The following EHMT1 variants were observed in gnomAD, a reference collection of about 807,000 sequenced individuals.
EHMT1 encodes histone-lysine N-methyltransferase EHMT1.
EHMT1 carries 15 observed loss-of-function variants against 147.2 expected under a neutral mutation model. That is an observed-to-expected ratio of 0.10 (90% CI 0.07 to 0.16). The LOEUF (loss-of-function observed/expected upper bound fraction) is 0.16, where lower values mean the gene tolerates loss of function less well. Ranked by LOEUF, EHMT1 falls within the 10% of genes least tolerant of loss-of-function variation. The probability of loss-of-function intolerance (pLI) is 1.00; values close to 1 mark genes in which losing one functional copy is unlikely to be tolerated. For synonymous variants in EHMT1, 795 were observed against 709.6 expected (o/e 1.12, Z -1.91); for missense variants, 1,587 against 1,772.4 (o/e 0.90, Z 1.88).
At chr9:137,741,326 C>T (rs1233238739) in intron 4 of EHMT1, among the ~76,000 whole-genome samples, 2 of 151,200 alleles carry the variant, frequency 1.3e-5, no homozygotes, top group East Asian at 3.9e-4. Flanking sequence ...CCTTTGTCCT[C>T]ACTCAGCCAT....
intron 7 of EHMT1, among the ~76,000 whole-genome samples, chr9:137,753,757 T>G (rs1949163588): frequency 6.6e-6 from 1 of 152,206 alleles, no homozygotes; most frequent in African/African-American, 2.4e-5. Flanking sequence ...CTGTCCTTGT[T>G]CTCTGTGTAG....
At chr9:137,730,596 G>A (rs1221006514) in intron 4 of EHMT1, among the ~76,000 whole-genome samples, 1 of 152,222 alleles carries the variant, frequency 6.6e-6, no homozygotes, top group Non-Finnish European at 1.5e-5. Context: ...CAGCCTGTCT[G>A]TCTGTTTTTA....
In EHMT1 at chr9:137,834,199, G is replaced by A. The variant is rs534461807; in HGVS notation, c.3541-150G>A. The A allele has an allele frequency of 2.5e-4, 261 of 1,027,886 alleles. No homozygotes were observed. The African/African-American group carries it at 3.7e-3, about 15-fold the overall frequency. 63.7% of individuals were successfully genotyped at this position (1,027,886 alleles called of 1,614,324 possible). A position where few individuals can be genotyped will look rare whatever the true frequency, so the allele number is the denominator to read the frequency against. On this transcript the variant is annotated intron_variant, in intron 25 of 26. Transcript: ENST00000460843. ...AGAAGGCTGGCGGAGGCTCCGCACC[G>A]CCGCCACAGGTCACTGGAGAAGGCC...
chr9:137,776,825 G>T lies in EHMT1; in HGVS notation c.1999G>T (p.Ala667Ser). 6.2e-7 allele frequency: 1 copy of T among 1,613,914 alleles called. No individual in the cohort carries two copies. Among genetic ancestry groups the T allele is most frequent in the Non-Finnish European group, 8.5e-7 (1 of 1,179,992 alleles). Residue 667 changes from alanine (A) to serine (S), a missense_variant, in exon 12 of 27, where the codon GCC becomes TCC. Physicochemically the swap from Ala to Ser is moderately conservative, Grantham distance 99. Transcript: ENST00000460843. This position sits in a 1 kb window ranked among gnomAD's most constrained non-coding sequence, Gnocchi z 4.4. ...QEKGSALEGR[A>S]DTTTGSAAGP... The stretch of plus-strand genomic sequence containing the variant: ...GAAGGGCTCGGCCCTGGAGGGCAGG[G>T]CCGACACCACAACGGGCAGGTACCT...
intron 1 of EHMT1, among the ~76,000 whole-genome samples, chr9:137,622,938 C>T (rs141897931): frequency 0.033 from 4,874 of 149,758 alleles, 271 homozygotes; most frequent in African/African-American, 0.11. Context: ...CAGCCAGGCG[C>T]GGTGTCTCAC....
intron 1 of EHMT1, among the ~76,000 whole-genome samples, chr9:137,633,751 C>T (rs1843778727): frequency 6.6e-6 from 1 of 152,040 alleles, no homozygotes; most frequent in African/African-American, 2.4e-5. Flanking sequence ...TCCTCCCTCC[C>T]CGACCCCCGA....
At chr9:137,644,777 T>A (rs902730235) in intron 1 of EHMT1, among the ~76,000 whole-genome samples, 11 of 152,230 alleles carry the variant, frequency 7.2e-5, no homozygotes, top group Non-Finnish European at 8.8e-5. Flanking sequence ...TGTCTTTTGA[T>A]GTAACATTTA....
Position 137,731,617 on chromosome 9 carries a change from A to G in EHMT1, c.823+3088A>G, listed in dbSNP as rs1275846965. Among the ~76,000 whole-genome samples, 1 of 152,094 alleles carries G rather than the reference A, an allele frequency of 6.6e-6. No individual in the cohort carries two copies. The highest frequency in any genetic ancestry group is 1.5e-5 in the Non-Finnish European group (1 of 68,018). Reference sequence around the variant, plus strand: ...TATCCTGTTGTCACAGGATCCCTTGAGTGTCCCTTTGCTGGTCATAAACCT... The same window carrying G: ...TATCCTGTTGTCACAGGATCCCTTGGGTGTCCCTTTGCTGGTCATAAACCT... On this transcript the variant is annotated intron_variant, in intron 4 of 26. Coordinates refer to ENST00000460843, the MANE Select transcript of EHMT1 (RefSeq NM_024757.5). The surrounding 1 kb of genome is among the most constrained non-coding windows in gnomAD (Gnocchi z 4.3).
chr9:137,640,178 G>A (rs531858053), intron 1 of EHMT1, among the ~76,000 whole-genome samples: 2 of 152,222 alleles, frequency 1.3e-5, no homozygotes, highest in East Asian at 1.9e-4. Flanking sequence ...CAGGTGATCC[G>A]CCTGCCTCGG....
intron 1 of EHMT1, among the ~76,000 whole-genome samples, chr9:137,678,703 T>C (rs903226775): frequency 6.8e-6 from 1 of 147,930 alleles, no homozygotes; most frequent in Non-Finnish European, 1.5e-5. Flanking sequence ...AAAAGTTATA[T>C]GAATGTCCCC....
intron 3 of EHMT1, among the ~76,000 whole-genome samples, chr9:137,727,618 CA>C (rs1233317435): frequency 1.8e-4 from 27 of 152,174 alleles, no homozygotes; most frequent in Admixed American, 2.0e-4. Context: ...ACTATGTGCA[CA>C]GTAAAGTGTG....
At chr9:137,708,894 C>T (rs1308341462) in intron 1 of EHMT1, among the ~76,000 whole-genome samples, 1 of 152,210 alleles carries the variant, frequency 6.6e-6, no homozygotes, top group Non-Finnish European at 1.5e-5. Context: ...GTGAGGAAAG[C>T]TTCGGGTTCC....
At chr9:137,707,969 TGAG>T (rs1944403220) in intron 1 of EHMT1, among the ~76,000 whole-genome samples, 1 of 152,228 alleles carries the variant, frequency 6.6e-6, no homozygotes, top group South Asian at 2.1e-4. Flanking sequence ...TTAAAAGTAT[TGAG>T]GACCCCAGAG....
At chr9:137,834,139 C>T (rs1049806950) in intron 25 of EHMT1, 2 of 648,222 alleles carry the variant, frequency 3.1e-6, no homozygotes, top group African/African-American at 1.8e-5. Context: ...CCAGCGAGGA[C>T]GGCAGGGTGC....
intron 10 of EHMT1, among the ~76,000 whole-genome samples, chr9:137,768,486 T>G (rs973329866): frequency 1.4e-5 from 2 of 146,972 alleles, no homozygotes; most frequent in Non-Finnish European, 3.0e-5. Context: ...CCCAAGTAGT[T>G]GGGATTACAG....
chr9:137,713,155 G>A lies in EHMT1; in HGVS notation c.85+2125G>A, dbSNP rs570076677. On this transcript the variant is annotated intron_variant, in intron 2 of 26. Transcript: ENST00000460843. ...GTCTCCCTCTGTAATCCAGGCTGGA[G>A]TGTGATCATGGCTTACTCTAGCCTC... 8.5e-5 allele frequency among the ~76,000 whole-genome samples: 13 copies of A among 152,154 alleles called. No individual in the cohort carries two copies. The South Asian group carries it at 1.7e-3, about 19-fold the overall frequency.
At chr9:137,766,468 AGC>A (rs1950224848) in intron 10 of EHMT1, among the ~76,000 whole-genome samples, 1 of 152,178 alleles carries the variant, frequency 6.6e-6, no homozygotes, top group Non-Finnish European at 1.5e-5. Context: ...TACAAAAAGT[AGC>A]CACTTGTGGT....
At chr9:137,717,521 G>C (rs1361037698) in intron 3 of EHMT1, among the ~76,000 whole-genome samples, 1 of 149,036 alleles carries the variant, frequency 6.7e-6, no homozygotes, top group Non-Finnish European at 1.5e-5. Context: ...GAGGTGGGAG[G>C]ATTGCTTGAG....
At chr9:137,764,573 G>A (rs1405764911) in intron 10 of EHMT1, 1 of 152,238 alleles carries the variant, frequency 6.6e-6, no homozygotes, top group African/African-American at 2.4e-5. Flanking sequence ...ATAGCACAGT[G>A]TGTTTCTATT....
Sources: allele counts gnomAD v4.1 joint callset (sites outside exome capture counted in the v4.1 genomes callset), GRCh38; gene constraint gnomAD v4.1.1; non-coding constraint Gnocchi (gnomAD v3.1); transcripts MANE v1.5; gene names NCBI Gene and HGNC (gene_info 2026-07-23, HGNC 2026-07-21).